PFN4: variants seen among roughly 807,000 people sequenced by gnomAD.
PFN4 encodes profilin-4.
Under a neutral mutation model 16.3 loss-of-function variants are expected in PFN4, and 10 were observed. The ratio of observed to expected loss-of-function variants is 0.61; its 90% CI spans 0.38 to 1.04. The LOEUF (loss-of-function observed/expected upper bound fraction) is 1.04, where lower values mean the gene tolerates loss of function less well. PFN4 is among the 50% of genes least tolerant of loss of function. The pLI is 0.01. For missense variants in PFN4, 136 were observed against 153.6 expected (o/e 0.89, Z 0.61); for synonymous variants, 54 against 56.9 (o/e 0.95, Z 0.23).
In PFN4 at chr2:24,123,101, AC is replaced by A; in HGVS notation, c.-13+16del. 6.6e-6 allele frequency: 1 copy of A among 152,078 alleles called. No homozygotes were observed. The highest frequency in any genetic ancestry group is 1.9e-4 in the East Asian group (1 of 5,144). The allele number at this position is 152,078 out of a possible 1,614,324, so 9.4% of individuals were successfully genotyped here. ...TCCCGCACAAGTCCCCAAGCCTTGGACCCCCCTCATCAGGACCTCCGGCACA... is the reference window on the plus strand; with the variant it reads ...TCCCGCACAAGTCCCCAAGCCTTGGACCCCCTCATCAGGACCTCCGGCACA... On this transcript the variant is annotated intron_variant, in intron 1 of 4. Coordinates refer to ENST00000313213, the MANE Select transcript of PFN4 (RefSeq NM_199346.3).
chr2:24,115,672 C>T, intron 4 of PFN4, 61 bp from the exon 5 acceptor site: 1 of 1,541,964 alleles, frequency 6.5e-7, no homozygotes, highest in South Asian at 1.1e-5. Context: ...ACAAATGATT[C>T]ATTCATCCAT....
At chr2:24,121,404 T>A in intron 2 of PFN4, 104 bp from the exon 3 acceptor site, 1 of 1,105,164 alleles carries the variant, frequency 9.0e-7, no homozygotes, top group Non-Finnish European at 1.3e-6. Context: ...CTAAGAATGG[T>A]TTTCATGTTT....
intron 4 of PFN4, among the ~76,000 whole-genome samples, chr2:24,117,839 T>G (rs1002180794): frequency 6.6e-6 from 1 of 152,176 alleles, no homozygotes; most frequent in African/African-American, 2.4e-5. Context: ...GAAACAAAAG[T>G]CAGTCATAAG....
Position 24,115,446 on chromosome 2 carries a change from A to G in PFN4, c.*137T>C. On this transcript the variant is annotated 3_prime_UTR_variant, in exon 5 of 5. Coordinates refer to ENST00000313213, the MANE Select transcript of PFN4 (RefSeq NM_199346.3). ...AAAGAAGAGGATCTCTGGAAGTAATAAAAATTGCTCCCTTAATTCATTCTT... is the reference window on the plus strand; with the variant it reads ...AAAGAAGAGGATCTCTGGAAGTAATGAAAATTGCTCCCTTAATTCATTCTT... The G allele has an allele frequency of 1.4e-6, 1 of 690,912 alleles. No homozygotes were observed. The highest frequency in any genetic ancestry group is 2.4e-6 in the Non-Finnish European group (1 of 411,362). 42.8% of individuals were successfully genotyped at this position (690,912 alleles called of 1,614,324 possible). A position where few individuals can be genotyped will look rare whatever the true frequency, so the allele number is the denominator to read the frequency against.
intron 4 of PFN4, 109 bp downstream of exon 4, chr2:24,119,468 T>C: frequency 1.3e-6 from 1 of 747,394 alleles, no homozygotes; most frequent in Non-Finnish European, 2.2e-6. Context: ...ATCCTTCCAA[T>C]AAATTCCTCC....
chr2:24,120,943 G>C (rs1275986884), intron 3 of PFN4, among the ~76,000 whole-genome samples: 1 of 151,738 alleles, frequency 6.6e-6, no homozygotes, highest in Non-Finnish European at 1.5e-5. Context: ...TTCAGGCAAG[G>C]CTCAGTTAAT....
intron 3 of PFN4, among the ~76,000 whole-genome samples, chr2:24,120,077 T>C (rs984110718): frequency 1.3e-5 from 2 of 152,142 alleles, no homozygotes; most frequent in Non-Finnish European, 2.9e-5. Flanking sequence ...GAGACCAGCC[T>C]GGCCAACATG....
At chr2:24,115,672 C>G (rs1665891626) in intron 4 of PFN4, 61 bp from the exon 5 acceptor site, 2 of 1,541,964 alleles carry the variant, frequency 1.3e-6, no homozygotes, top group Admixed American at 3.4e-5. Flanking sequence ...ACAAATGATT[C>G]ATTCATCCAT....
chr2:24,115,319 G>C lies in PFN4; in HGVS notation c.*264C>G, dbSNP rs1376203233. The C allele has an allele frequency of 2.3e-6, 1 of 441,732 alleles. No individual in the cohort carries two copies. The highest frequency in any genetic ancestry group is 2.0e-5 in the African/African-American group (1 of 50,928). The allele number at this position is 441,732 out of a possible 1,614,324, so 27.4% of individuals were successfully genotyped here. ...TAGGAGTACAAGAGCCTCACAGAAA[G>C]GAGCCTCCCAATAGATATGCTCTGT... On this transcript the variant is annotated 3_prime_UTR_variant, in exon 5 of 5. Transcript: ENST00000313213.
intron 1 of PFN4, chr2:24,122,869 A>G: frequency 5.3e-6 from 1 of 189,930 alleles, no homozygotes; most frequent in Non-Finnish European, 1.1e-5. Flanking sequence ...CACTGAGAAA[A>G]ACTCTGTAAA....
chr2:24,121,441 A>C, intron 2 of PFN4, 141 bp from the exon 3 acceptor site: 1 of 736,570 alleles, frequency 1.4e-6, no homozygotes, highest in Non-Finnish European at 2.2e-6. Context: ...AAAAAATCAA[A>C]AGAATAACAC....
intron 4 of PFN4, among the ~76,000 whole-genome samples, chr2:24,115,943 G>A (rs1360565463): frequency 6.6e-6 from 1 of 151,090 alleles, no homozygotes; most frequent in Non-Finnish European, 1.5e-5. Flanking sequence ...TAATGCATAT[G>A]GCTGGGCAAA....
chr2:24,117,845 A>G (rs1033666592), intron 4 of PFN4, among the ~76,000 whole-genome samples: 10 of 152,244 alleles, frequency 6.6e-5, no homozygotes, highest in African/African-American at 2.4e-4. Flanking sequence ...AAAGTCAGTC[A>G]TAAGACAACT....
chr2:24,116,238 G>T (rs747837461), intron 4 of PFN4, among the ~76,000 whole-genome samples: 1 of 151,942 alleles, frequency 6.6e-6, no homozygotes, highest in Non-Finnish European at 1.5e-5. Flanking sequence ...TGAGGCAGGA[G>T]AATTGCTTGA....
At chr2:24,122,583 G>T in intron 1 of PFN4, 36 bp from the exon 2 acceptor site, 1 of 1,337,840 alleles carries the variant, frequency 7.5e-7, no homozygotes, top group Non-Finnish European at 1.1e-6. Context: ...CATTGACTCT[G>T]GCTAGCTTTT....
chr2:24,118,990 G>A (rs781463604), intron 4 of PFN4, among the ~76,000 whole-genome samples: 9 of 152,128 alleles, frequency 5.9e-5, no homozygotes, highest in African/African-American at 9.7e-5. Context: ...AACTCTCACC[G>A]ATATAATACC....
At chr2:24,116,047 G>A (rs191722491) in intron 4 of PFN4, among the ~76,000 whole-genome samples, 2 of 152,108 alleles carry the variant, frequency 1.3e-5, no homozygotes, top group South Asian at 2.1e-4. Context: ...AACTGATTAC[G>A]GCCAAGTGTG....
intron 3 of PFN4, among the ~76,000 whole-genome samples, chr2:24,119,956 A>G (rs563499449): frequency 6.6e-6 from 1 of 152,292 alleles, no homozygotes; most frequent in South Asian, 2.1e-4. Flanking sequence ...TGATTATCAT[A>G]TACCCCATCC....
Position 24,121,231 on chromosome 2 carries a change from C to T in PFN4, c.187G>A (p.Gly63Arg). The change falls in exon 3 of 5, where the codon GGA becomes AGA. Residue 63 changes from glycine (G) to arginine (R), a missense_variant. By Grantham distance (125) the Gly-to-Arg change is moderately radical. Coordinates refer to ENST00000313213, the MANE Select transcript of PFN4 (RefSeq NM_199346.3). Reference sequence around the variant, plus strand: ...TAATCTTTTCCCTTGAAATACAGTCCTTCTCTTCGGGCTTGCAAAGGGTTC... The same window carrying T: ...TAATCTTTTCCCTTGAAATACAGTCTTTCTCTTCGGGCTTGCAAAGGGTTC... The part of the protein sequence containing the change: ...AKNPLQARRE[G>R]LYFKGKDYRC... 6.2e-7 allele frequency: 1 copy of T among 1,614,150 alleles called. No individual in the cohort carries two copies. The highest frequency in any genetic ancestry group is 1.1e-5 in the South Asian group (1 of 91,080).
Sources: allele counts gnomAD v4.1 joint callset (sites outside exome capture counted in the v4.1 genomes callset), GRCh38; gene constraint gnomAD v4.1.1; transcripts MANE v1.5; gene names NCBI Gene and HGNC (gene_info 2026-07-23, HGNC 2026-07-21).